Variants in DEPTOR observed in about 807,000 individuals in gnomAD.
The protein encoded by DEPTOR is DEP domain containing MTOR interacting protein.
DEPTOR carries 41 observed loss-of-function variants against 41.6 expected under a neutral mutation model. The ratio of observed to expected loss-of-function variants is 0.98; its 90% confidence interval spans 0.77 to 1.28. The LOEUF (loss-of-function observed/expected upper bound fraction) is 1.28, where lower values mean the gene tolerates loss of function less well. DEPTOR is among the 50% of genes most tolerant of loss of function. DEPTOR has a pLI of 0.00. For synonymous variants in DEPTOR, 195 were observed against 192.3 expected, an observed-to-expected ratio of 1.01 and a Z score of -0.12; for missense variants, 514 against 527.9, an observed-to-expected ratio of 0.97 and a Z score of 0.26.
intron 1 of DEPTOR, among the ~76,000 whole-genome samples, chr8:119,896,389 G>A (rs1827520185): frequency 6.6e-6 from 1 of 152,190 alleles, no homozygotes; most frequent in Non-Finnish European, 1.5e-5. Context: ...GACACAGCTG[G>A]GCTCAGCCCT....
intron 8 of DEPTOR, among the ~76,000 whole-genome samples, chr8:120,029,302 G>C (rs1812849308): frequency 6.6e-6 from 1 of 152,072 alleles, no homozygotes; most frequent in Admixed American, 6.6e-5. Context: ...TAAAGAATAG[G>C]AAAATATCCT....
intron 4 of DEPTOR, among the ~76,000 whole-genome samples, chr8:119,969,026 T>C (rs541483630): frequency 6.6e-5 from 10 of 150,534 alleles, no homozygotes; most frequent in African/African-American, 2.4e-4. Context: ...ACCCTGGAGG[T>C]GGAGGTTGCA....
intron 3 of DEPTOR, among the ~76,000 whole-genome samples, chr8:119,938,347 C>T (rs1027430609): frequency 1.3e-5 from 2 of 152,166 alleles, no homozygotes; most frequent in Middle Eastern, 3.4e-3. Flanking sequence ...AAGTTTTAAG[C>T]CTATGCTAAT....
At chr8:120,010,024 C>T (rs1190778673) in intron 8 of DEPTOR, among the ~76,000 whole-genome samples, 7 of 152,086 alleles carry the variant, frequency 4.6e-5, no homozygotes, top group East Asian at 3.9e-4. Context: ...ATAGACCATA[C>T]GACATAGCCA....
rs575518775 is a variant in DEPTOR, at chr8:120,020,653, G to A, written c.1101+11520G>A. On this transcript the variant is annotated intron_variant, in intron 8 of 8. Transcript: ENST00000286234. ...TGTGACTGGCAGGAGGGCTGCTGTC[G>A]AAGAGGCTTGCCTTAAGTGTCAGAC... Among the ~76,000 whole-genome samples the A allele has an allele frequency of 5.9e-5, 9 of 152,290 alleles. No individual in the cohort carries two copies. In the East Asian group the frequency reaches 1.3e-3, roughly 23 times the overall value.
chr8:119,967,662 G>A (rs1402732859), intron 4 of DEPTOR, among the ~76,000 whole-genome samples: 1 of 149,480 alleles, frequency 6.7e-6, no homozygotes, highest in African/African-American at 2.5e-5. Flanking sequence ...GCTGAGGCAA[G>A]AGAATCGCTT....
chr8:119,895,247 A>T (rs1400517800), intron 1 of DEPTOR, among the ~76,000 whole-genome samples: 1 of 152,216 alleles, frequency 6.6e-6, no homozygotes, highest in Non-Finnish European at 1.5e-5. Flanking sequence ...CCCTTCCTGC[A>T]TTGAGCCTTT....
intron 1 of DEPTOR, among the ~76,000 whole-genome samples, chr8:119,896,756 G>A (rs548500708): frequency 2.2e-4 from 33 of 152,102 alleles, no homozygotes; most frequent in Non-Finnish European, 3.1e-4. Context: ...CCTCGGCCCC[G>A]CAAAGTGCTA....
intron 1 of DEPTOR, among the ~76,000 whole-genome samples, chr8:119,904,119 T>A (rs1270773322): frequency 6.7e-6 from 1 of 149,728 alleles, no homozygotes; most frequent in Non-Finnish European, 1.5e-5. Flanking sequence ...TCTCTCTCTT[T>A]TTTTTGTTTT....
At chr8:119,981,533 T>G (rs934317836) in intron 4 of DEPTOR, among the ~76,000 whole-genome samples, 1 of 151,808 alleles carries the variant, frequency 6.6e-6, no homozygotes, top group African/African-American at 2.4e-5. Context: ...GGTGCACACC[T>G]GTAGTTCCAA....
intron 1 of DEPTOR, among the ~76,000 whole-genome samples, chr8:119,885,174 C>T (rs562925548): frequency 2.6e-5 from 4 of 152,044 alleles, no homozygotes; most frequent in South Asian, 4.1e-4. Flanking sequence ...TTTTTTAAAG[C>T]GCTACTTATT....
intron 1 of DEPTOR, among the ~76,000 whole-genome samples, chr8:119,906,307 A>G (rs1827662813): frequency 6.6e-6 from 1 of 151,242 alleles, no homozygotes; most frequent in African/African-American, 2.4e-5. Flanking sequence ...CAAAAAAAAA[A>G]AAGCCGGGTA....
chr8:119,889,341 G>A (rs1203419671), intron 1 of DEPTOR, among the ~76,000 whole-genome samples: 1 of 151,656 alleles, frequency 6.6e-6, no homozygotes, highest in Non-Finnish European at 1.5e-5. Flanking sequence ...GAGCCTATGA[G>A]TTTCAGACCA....
intron 4 of DEPTOR, among the ~76,000 whole-genome samples, chr8:119,991,155 A>C (rs544045189): frequency 2.1e-5 from 3 of 143,934 alleles, no homozygotes; most frequent in African/African-American, 7.8e-5. Flanking sequence ...TTGGGGGTAC[A>C]TGCGAAGGTT....
chr8:120,003,466 AGGT>A (rs953312086), intron 6 of DEPTOR, among the ~76,000 whole-genome samples: 5 of 152,136 alleles, frequency 3.3e-5, no homozygotes. Flanking sequence ...TGGGCAAAGC[AGGT>A]GTCTTCAGAG....
intron 8 of DEPTOR, among the ~76,000 whole-genome samples, chr8:120,033,268 G>T (rs1402354892): frequency 6.6e-6 from 1 of 151,976 alleles, no homozygotes; most frequent in Non-Finnish European, 1.5e-5. Flanking sequence ...TGTATTTTTA[G>T]TAGAGACAGG....
intron 4 of DEPTOR, among the ~76,000 whole-genome samples, chr8:119,969,101 A>G (rs988900706): frequency 3.0e-4 from 46 of 151,944 alleles, no homozygotes; most frequent in African/African-American, 1.1e-3. Flanking sequence ...TCTCAAAAAA[A>G]AAAAAGTCAG....
At chr8:119,924,769 A>G (rs1827942968) in intron 1 of DEPTOR, among the ~76,000 whole-genome samples, 1 of 151,564 alleles carries the variant, frequency 6.6e-6, no homozygotes, top group African/African-American at 2.4e-5. Flanking sequence ...CAGGGAATTC[A>G]TGTGCAGGTT....
intron 1 of DEPTOR, among the ~76,000 whole-genome samples, chr8:119,907,543 G>A (rs1200215641): frequency 2.0e-5 from 3 of 152,146 alleles, no homozygotes; most frequent in Non-Finnish European, 4.4e-5. Flanking sequence ...AAGAAAATAA[G>A]GGCCAGTGTG....
Sources: gnomAD v4.1 joint callset for allele counts (sites outside exome capture counted in the v4.1 genomes callset) on GRCh38, gnomAD v4.1.1 for gene constraint, MANE v1.5 for transcripts, NCBI Gene and HGNC (gene_info 2026-07-23, HGNC 2026-07-21) for gene names.